The following GRM8 variants were observed in gnomAD, a reference collection of about 807,000 sequenced individuals.
The protein encoded by GRM8 is glutamate metabotropic receptor 8, also known as metabotropic glutamate receptor 8.
In GRM8, 47 loss-of-function variants were observed where a neutral mutation model predicts 87.2. That is an observed-to-expected ratio of 0.54 (90% CI 0.43 to 0.69). The LOEUF (loss-of-function observed/expected upper bound fraction) is 0.69, where lower values mean the gene tolerates loss of function less well. Among genes scored for constraint, GRM8 ranks in the 30% least tolerant of loss-of-function variants. GRM8 has a pLI of 0.00. For missense variants in GRM8, 1,019 were observed against 1,139.2 expected (o/e 0.89, Z 1.52); for synonymous variants, 396 against 404.5 (o/e 0.98, Z 0.25).
chr7:127,131,230 A>G (rs1265358007), intron 2 of GRM8, among the ~76,000 whole-genome samples: 1 of 152,194 alleles, frequency 6.6e-6, no homozygotes, highest in Non-Finnish European at 1.5e-5. Flanking sequence ...CAATAGCCAA[A>G]AGTAAAATGC....
intron 9 of GRM8, among the ~76,000 whole-genome samples, chr7:126,463,889 AT>A (rs1173484469): frequency 2.0e-5 from 3 of 151,828 alleles, no homozygotes; most frequent in East Asian, 1.9e-4. Context: ...AAGAAAAAAA[AT>A]AACTACAAAT....
At chr7:126,942,184 A>G (rs185350653) in intron 3 of GRM8, among the ~76,000 whole-genome samples, 377 of 152,342 alleles carry the variant, frequency 2.5e-3, no homozygotes, top group Non-Finnish European at 3.9e-3. Flanking sequence ...ATCAAGTGAT[A>G]GTATGGAAGG....
intron 2 of GRM8, among the ~76,000 whole-genome samples, chr7:127,241,800 C>A (rs1331619179): frequency 6.6e-6 from 1 of 152,088 alleles, no homozygotes; most frequent in Admixed American, 6.5e-5. Flanking sequence ...AAATTCATGT[C>A]CCCCTGAGTA....
chr7:126,537,618 T>C (rs1292616154), intron 8 of GRM8, among the ~76,000 whole-genome samples: 1 of 151,702 alleles, frequency 6.6e-6, no homozygotes, highest in Non-Finnish European at 1.5e-5. Context: ...CTTCTAAAAA[T>C]ACAAAAAAAT....
At chr7:126,446,564 A>AT (rs889661991) in intron 9 of GRM8, among the ~76,000 whole-genome samples, 192 bp from the exon 10 acceptor site, 13 of 152,098 alleles carry the variant, frequency 8.5e-5, no homozygotes, top group Admixed American at 3.3e-4. Context: ...GAGTAAGGTT[A>AT]TTTTTTTATT....
intron 3 of GRM8, among the ~76,000 whole-genome samples, chr7:127,025,646 C>T (rs1371799068): frequency 1.3e-5 from 2 of 151,976 alleles, no homozygotes; most frequent in Admixed American, 1.3e-4. Flanking sequence ...TCAATATTTA[C>T]ATTTATTTTT....
At chr7:127,044,066 G>A (rs1169072044) in intron 3 of GRM8, among the ~76,000 whole-genome samples, 1 of 152,204 alleles carries the variant, frequency 6.6e-6, no homozygotes, top group African/African-American at 2.4e-5. Flanking sequence ...GTGAACAGAG[G>A]AAGGGGTTCC....
intron 7 of GRM8, among the ~76,000 whole-genome samples, chr7:126,670,897 A>T (rs1806306215): frequency 6.6e-6 from 1 of 152,164 alleles, no homozygotes; most frequent in Non-Finnish European, 1.5e-5. Context: ...AATTTGGAGC[A>T]TGTTTGTTTC....
intron 3 of GRM8, among the ~76,000 whole-genome samples, chr7:126,986,106 T>G (rs1812037507): frequency 6.6e-6 from 1 of 152,142 alleles, no homozygotes; most frequent in Non-Finnish European, 1.5e-5. Flanking sequence ...CCACACTTCC[T>G]GGGCTCAAGT....
At chr7:126,505,627 C>T (rs1371217536) in intron 9 of GRM8, among the ~76,000 whole-genome samples, 3 of 152,064 alleles carry the variant, frequency 2.0e-5, no homozygotes, top group African/African-American at 7.2e-5. Flanking sequence ...TCTGCCCTTT[C>T]TAGATGTCTC....
intron 8 of GRM8, among the ~76,000 whole-genome samples, chr7:126,606,895 G>A (rs958763731): frequency 1.3e-5 from 2 of 152,190 alleles, no homozygotes; most frequent in Non-Finnish European, 2.9e-5. Context: ...ATGGCGAGAT[G>A]TGTATATATG....
intron 8 of GRM8, among the ~76,000 whole-genome samples, chr7:126,571,868 G>GT: frequency 6.6e-6 from 1 of 151,792 alleles, no homozygotes; most frequent in East Asian, 1.9e-4. Context: ...AGCCTCCCGA[G>GT]TAGCTGGGAT....
intron 6 of GRM8, among the ~76,000 whole-genome samples, chr7:126,804,590 A>C (rs1586006233): frequency 6.6e-6 from 1 of 152,216 alleles, no homozygotes; most frequent in East Asian, 1.9e-4. Flanking sequence ...AGCTTAAAGA[A>C]AATCTAGTTA....
At chr7:127,235,507 G>A (rs965778912) in intron 2 of GRM8, among the ~76,000 whole-genome samples, 2 of 152,214 alleles carry the variant, frequency 1.3e-5, no homozygotes, top group Non-Finnish European at 2.9e-5. Flanking sequence ...GTATTCGGAT[G>A]AGGCTCTAGC....
chr7:126,692,648 G>A (rs1031734645), intron 7 of GRM8, among the ~76,000 whole-genome samples: 2 of 152,092 alleles, frequency 1.3e-5, no homozygotes, highest in Non-Finnish European at 2.9e-5. Flanking sequence ...GAATCCCAAA[G>A]ACTACATCTA....
At chr7:127,073,003 G>A (rs1821874409) in intron 3 of GRM8, among the ~76,000 whole-genome samples, 1 of 143,888 alleles carries the variant, frequency 6.9e-6, no homozygotes, top group Non-Finnish European at 1.5e-5. Flanking sequence ...TCAAAAAGTA[G>A]TATTCTACAG....
intron 8 of GRM8, among the ~76,000 whole-genome samples, chr7:126,550,043 T>TAA (rs35496722): frequency 2.0e-5 from 3 of 150,752 alleles, no homozygotes; most frequent in Non-Finnish European, 3.0e-5. Flanking sequence ...CAAACAGCAA[T>TAA]AAAAAAAAAA....
At chr7:127,034,481 G>T (rs1817667994) in intron 3 of GRM8, among the ~76,000 whole-genome samples, 1 of 152,134 alleles carries the variant, frequency 6.6e-6, no homozygotes, top group Non-Finnish European at 1.5e-5. Context: ...CTAATCCACT[G>T]CACAAAAAAC....
At position 126,446,242 on chromosome 7, in the gene GRM8, C is replaced by T. The variant is rs770756602; in HGVS notation, c.2561G>A (p.Arg854Lys). The change falls in exon 10 of 11, where the codon AGG becomes AAG. Residue 854 changes from arginine to lysine, a missense_variant. Physicochemically the swap from Arg to Lys is conservative, Grantham distance 26 (BLOSUM62 2). Coordinates refer to ENST00000339582, the MANE Select transcript of GRM8 (RefSeq NM_000845.3). Reference sequence around the variant, plus strand: ...AGCTGTCACCACAGCCTTGAAGCTCCTCTTGCGTTTTTGAACATTCTGTTC... The same window carrying T: ...AGCTGTCACCACAGCCTTGAAGCTCTTCTTGCGTTTTTGAACATTCTGTTC... ...HPEQNVQKRK[R>K]SFKAVVTAAT... 1 of 1,612,994 alleles carries T rather than the reference C, an allele frequency of 6.2e-7. No homozygotes were observed.
Sources: gnomAD v4.1 joint callset for allele counts (sites outside exome capture counted in the v4.1 genomes callset) on GRCh38, gnomAD v4.1.1 for gene constraint, MANE v1.5 for transcripts, NCBI Gene and HGNC (gene_info 2026-07-23, HGNC 2026-07-21) for gene names.